TRIM65: variants seen among roughly 807,000 people sequenced by gnomAD.
The protein encoded by TRIM65 is E3 ubiquitin-protein ligase TRIM65.
Under a neutral mutation model 36.1 loss-of-function variants are expected in TRIM65, and 46 were observed. The ratio of observed to expected loss-of-function variants is 1.27; its 90% confidence interval spans 1.01 to 1.63. The LOEUF (loss-of-function observed/expected upper bound fraction) is 1.63, where lower values mean the gene tolerates loss of function less well. TRIM65 is among the 40% of genes most tolerant of loss of function. TRIM65 has a pLI of 0.00. For missense variants in TRIM65, 708 were observed against 696.6 expected, an observed-to-expected ratio of 1.02 and a Z score of -0.18; for synonymous variants, 346 against 313.6, an observed-to-expected ratio of 1.10 and a Z score of -1.09.
rs776169646 is a variant in TRIM65, at chr17:75,892,846, TG to T, written c.418del (p.Gln140SerfsTer2). ...LDAERLKREAQLRASLEVTQQ... is the reference protein window; with the variant it reads ...LDAERLKREAXLRASLEVTQQ... ...GGTAACCTCCAGGCTGGCTCTCAGCTGGGCCTGTGGTGCGGGCCCACGGGAC... is the reference window on the plus strand; with the variant it reads ...GGTAACCTCCAGGCTGGCTCTCAGCTGGCCTGTGGTGCGGGCCCACGGGAC... On this transcript the variant is annotated frameshift_variant, in exon 2 of 6. Coordinates refer to ENST00000269383, the MANE Select transcript of TRIM65 (RefSeq NM_173547.4). LOFTEE classifies it high-confidence loss of function. 1.2e-6 allele frequency: 2 copies of T among 1,601,906 alleles called. No individual in the cohort carries two copies. Among genetic ancestry groups the T allele is most frequent in the Non-Finnish European group, 1.7e-6 (2 of 1,179,852 alleles).
rs2065358032 is a variant in TRIM65 at position 75,896,870 on chromosome 17, A to C, written c.68T>G (p.Val23Gly). 1.3e-6 allele frequency: 2 copies of C among 1,531,752 alleles called. No homozygotes were observed. The highest frequency in any genetic ancestry group is 1.7e-6 in the Non-Finnish European group (2 of 1,142,916). The allele number at this position is 1,531,752 out of a possible 1,614,324, so 94.9% of individuals were successfully genotyped here. A position where few individuals can be genotyped will look rare whatever the true frequency, so the allele number is the denominator to read the frequency against. The change falls in exon 1 of 6, where the codon GTG becomes GGG. Residue 23 changes from valine (V) to glycine (G), a missense_variant. By Grantham distance (109) the Val-to-Gly change is moderately radical (BLOSUM62 -3). Transcript: ENST00000269383. ...GAAGTTGTGGCCGCAGGGCAGCGTC[A>C]CTGGGTCCTGGTAGAGCCCCAGGCA... ...AICLGLYQDP[V>G]TLPCGHNFCG... is the part of the protein sequence containing the mutation.
At position 75,881,131 on chromosome 17, in the gene TRIM65, T is replaced by C. The variant is rs548644538; in HGVS notation, c.350-502A>G. 6.7e-4 allele frequency among the ~76,000 whole-genome samples: 96 copies of C among 143,880 alleles called. 2 individuals are homozygous for C. The highest frequency in any genetic ancestry group is 1.2e-3 in the Non-Finnish European group (82 of 67,206). The allele number at this position is 143,880 out of a possible 152,430, so 94.4% of individuals were successfully genotyped here. A position where few individuals can be genotyped will look rare whatever the true frequency, so the allele number is the denominator to read the frequency against. On this transcript the variant is annotated intron_variant, in intron 4 of 4. Coordinates refer to the TRIM65 transcript ENST00000591668. ...GGCGTGGTGGTGCACACACTTGTATTCCCAGCTACTCGGGAGTCTGAGGCA... is the reference window on the plus strand; with the variant it reads ...GGCGTGGTGGTGCACACACTTGTATCCCCAGCTACTCGGGAGTCTGAGGCA...
downstream of TRIM65, among the ~76,000 whole-genome samples, chr17:75,884,624 G>C (rs1022076562): frequency 6.6e-6 from 1 of 151,816 alleles, no homozygotes; most frequent in Non-Finnish European, 1.5e-5. Flanking sequence ...CTCCTTTTTT[G>C]TTTTTCTTTT....
At chr17:75,895,425 A>G (rs986964326) in intron 1 of TRIM65, among the ~76,000 whole-genome samples, 2 of 152,018 alleles carry the variant, frequency 1.3e-5, no homozygotes. Context: ...ATGACCCTAC[A>G]GTAAGAGCCA....
rs368933265 is a variant in TRIM65 at position 75,892,468 on chromosome 17, G to A, written c.543C>T (p.Ser181=). The change falls in exon 3 of 6, where the codon TCC becomes TCT. Residue 181 remains serine, a synonymous_variant. Coordinates refer to ENST00000269383, the MANE Select transcript of TRIM65 (RefSeq NM_173547.4). ...CCTGTAGCAGGCTGCTGAACTTGCC[G>A]GAGACCCAGGAGGCCAAGATGCAGG... ...NSACILASWV[S]GKFSSLLQAL... is the part of the protein sequence containing the mutation. 2.8e-5 allele frequency: 45 copies of A among 1,613,930 alleles called. No homozygotes were observed. The East Asian group carries it at 8.2e-4, about 30-fold the overall frequency.
At chr17:75,888,362 AAAG>A (rs1313240995), downstream of TRIM65, among the ~76,000 whole-genome samples, 210 of 116,966 alleles carry the variant, frequency 1.8e-3, 4 homozygotes, top group African/African-American at 6.4e-3. Flanking sequence ...CAAAAAAAAA[AAAG>A]AAAGAAAGAA....
chr17:75,892,883 A>G (rs1432681742), intron 1 of TRIM65, 33 bp from the exon 2 acceptor site: 2 of 1,585,046 alleles, frequency 1.3e-6, no homozygotes, highest in South Asian at 1.1e-5. Context: ...AAGCAACAAG[A>G]GAAGGCCAGG....
downstream of TRIM65, among the ~76,000 whole-genome samples, chr17:75,884,235 G>A (rs2065189627): frequency 2.0e-5 from 3 of 152,088 alleles, no homozygotes; most frequent in South Asian, 4.1e-4. Flanking sequence ...AGGCGGGCGG[G>A]TCACCTGAGG....
In TRIM65 at chr17:75,892,365, C is replaced by G. The variant is rs776512559; in HGVS notation, c.646G>C (p.Glu216Gln). 5 of 1,613,422 alleles carry G rather than the reference C, an allele frequency of 3.1e-6. No individual in the cohort carries two copies. In the Admixed American group the frequency reaches 6.7e-5, roughly 22 times the overall value. ...KTQALAQARD[E>Q]EQRLRVHLEA... is the part of the protein sequence containing the mutation. ...AAATGGACCCGCAGCCGCTGCTCCTCGTCTCGAGCCTGTGCCAGCGCCTGC... is the reference window on the plus strand; with the variant it reads ...AAATGGACCCGCAGCCGCTGCTCCTGGTCTCGAGCCTGTGCCAGCGCCTGC... The change falls in exon 3 of 6, where the codon GAG (glutamate) becomes CAG (glutamine). Residue 216 changes from glutamate to glutamine, a missense_variant. Glu to Gln is a conservative substitution (Grantham distance 29). Coordinates refer to ENST00000269383, the MANE Select transcript of TRIM65 (RefSeq NM_173547.4).
chr17:75,894,797 G>A (rs946962650), intron 1 of TRIM65, among the ~76,000 whole-genome samples: 6 of 152,234 alleles, frequency 3.9e-5, no homozygotes, highest in African/African-American at 1.4e-4. Context: ...CCAAAGTGCT[G>A]GGATTACAGG....
At chr17:75,891,949 C>T (rs181584070) in intron 4 of TRIM65, 62 bp downstream of exon 4, 8 of 1,561,408 alleles carry the variant, frequency 5.1e-6, no homozygotes, top group Non-Finnish European at 6.9e-6. Context: ...CCGCCTCCAC[C>T]CCCCCAGCGG....
chr17:75,896,478 G>T, intron 1 of TRIM65, 46 bp downstream of exon 1: 1 of 1,291,150 alleles, frequency 7.7e-7, no homozygotes, highest in Non-Finnish European at 9.8e-7. Context: ...GCGGTGGCCA[G>T]GCTGCGGCGG....
At chr17:75,888,874 G>C (rs555490480), downstream of TRIM65, 1 of 151,374 alleles carries the variant, frequency 6.6e-6, no homozygotes, top group Non-Finnish European at 1.5e-5. Context: ...TGACGGCAGT[G>C]ATCGGGGTGG....
chr17:75,885,005 T>C (rs954707404), downstream of TRIM65, among the ~76,000 whole-genome samples: 3 of 151,464 alleles, frequency 2.0e-5, no homozygotes, highest in Non-Finnish European at 2.9e-5. Flanking sequence ...GGTGCAATCT[T>C]GGCTCACTGC....
chr17:75,888,164 T>TATAAATAA (rs61543613), downstream of TRIM65, among the ~76,000 whole-genome samples: 336 of 137,050 alleles, frequency 2.5e-3, 1 homozygote, highest in African/African-American at 2.9e-3. Context: ...TCAAAAAATA[T>TATAAATAA]ATAAATAAAT....
intron 3 of TRIM65, 38 bp downstream of exon 3, chr17:75,892,229 G>A (rs1238769978): frequency 1.9e-6 from 3 of 1,592,626 alleles, no homozygotes; most frequent in African/African-American, 2.7e-5. Flanking sequence ...TGAGGGGCAG[G>A]GAAGCAAGTC....
Position 75,891,232 on chromosome 17 carries a change from G to C in TRIM65, c.1101C>G (p.Ser367Arg). The C allele has an allele frequency of 6.2e-7, 1 of 1,612,762 alleles. No individual in the cohort carries two copies. The highest frequency in any genetic ancestry group is 8.5e-7 in the Non-Finnish European group (1 of 1,180,000). The change falls in exon 6 of 6, where the codon AGC becomes AGG. Residue 367 changes from serine to arginine, a missense_variant. Coordinates refer to ENST00000269383, the MANE Select transcript of TRIM65 (RefSeq NM_173547.4). ...CACATTGCACCTGCCAGAGCTCAAA[G>C]CTGCCGGGCCCGCCTGGGCCCCGGG... ...RQSRGPGGPG[S>R]FELWQVQCAQ...
Position 75,890,508 on chromosome 17 carries a change from C to G in TRIM65, c.*271G>C. Reference sequence around the variant, plus strand: ...TGTAAGCCCAGAAGTCCCCTGGGCACTGCTCTCGCCTCCCAGGCCCAGACA... The same window carrying G: ...TGTAAGCCCAGAAGTCCCCTGGGCAGTGCTCTCGCCTCCCAGGCCCAGACA... On this transcript the variant is annotated 3_prime_UTR_variant, in exon 6 of 6. Transcript: ENST00000269383. The G allele has an allele frequency of 2.8e-6, 1 of 355,146 alleles. No individual in the cohort carries two copies. The highest frequency in any genetic ancestry group is 5.0e-6 in the Non-Finnish European group (1 of 199,774). 22.0% of individuals were successfully genotyped at this position (355,146 alleles called of 1,614,324 possible).
downstream of TRIM65, among the ~76,000 whole-genome samples, chr17:75,887,890 T>A (rs938175086): frequency 4.6e-5 from 7 of 152,032 alleles, no homozygotes; most frequent in Non-Finnish European, 1.0e-4. Context: ...GCGTGGTGGC[T>A]CACGCCTGTA....
Sources: allele counts gnomAD v4.1 joint callset (sites outside exome capture counted in the v4.1 genomes callset), GRCh38; gene constraint gnomAD v4.1.1; transcripts MANE v1.5; gene names NCBI Gene and HGNC (gene_info 2026-07-23, HGNC 2026-07-21).